Variants in DIPK2B observed in about 807,000 individuals in gnomAD.
DIPK2B encodes the protein divergent protein kinase domain 2B, also known as UPF0672 protein CXorf36.
DIPK2B carries 15 observed loss-of-function variants against 22.2 expected under a neutral mutation model. That is an observed-to-expected ratio of 0.68 (90% CI 0.45 to 1.04). The LOEUF (loss-of-function observed/expected upper bound fraction) is 1.04, where lower values mean the gene tolerates loss of function less well. DIPK2B is among the 50% of genes least tolerant of loss of function. The pLI is 0.00. For missense variants in DIPK2B, 345 were observed against 348.3 expected, an observed-to-expected ratio of 0.99 and a Z score of 0.08; for synonymous variants, 163 against 153.2, an observed-to-expected ratio of 1.06 and a Z score of -0.47.
chrX:45,172,073 C>T (rs2047085558), intron 2 of DIPK2B, among the ~76,000 whole-genome samples: 1 of 111,799 alleles, frequency 8.9e-6, no homozygotes. Flanking sequence ...ATCCAGTCTG[C>T]TGAGAGATAA....
intron 2 of DIPK2B, chrX:45,162,665 T>C (rs767985706): frequency 8.0e-5 from 60 of 752,724 alleles, no homozygotes; most frequent in Non-Finnish European, 9.4e-5. Flanking sequence ...AAATCACTTC[T>C]CCCATCTGCA....
intron 2 of DIPK2B, among the ~76,000 whole-genome samples, chrX:45,176,840 C>T (rs1430271154): frequency 9.0e-6 from 1 of 111,720 alleles, no homozygotes; most frequent in Non-Finnish European, 1.9e-5. Context: ...TCAGTTGTCT[C>T]TTCTCCAAGA....
At chrX:45,174,198 T>C (rs922538852) in intron 2 of DIPK2B, among the ~76,000 whole-genome samples, 5 of 111,823 alleles carry the variant, frequency 4.5e-5, no homozygotes, top group Non-Finnish European at 7.5e-5. Context: ...TGGGGACTCT[T>C]CCGTCAAACC....
chrX:45,162,386 C>A, intron 2 of DIPK2B: 1 of 754,339 alleles, frequency 1.3e-6, no homozygotes, highest in Non-Finnish European at 1.6e-6. Context: ...AGGTTCTGAG[C>A]AACCTCTATA....
At chrX:45,169,966 C>T (rs953449356) in intron 2 of DIPK2B, among the ~76,000 whole-genome samples, 4 of 110,329 alleles carry the variant, frequency 3.6e-5, no homozygotes, top group African/African-American at 6.6e-5. Flanking sequence ...CTTGGGAGGC[C>T]GGCGCGGTGG....
chrX:45,158,383 C>T lies in DIPK2B; in HGVS notation c.499-495G>A, dbSNP rs201727780. Reference sequence around the variant, plus strand: ...CTGTGTCTCTACCCACCATTGCACCCCCACCCTGCCCTTGGAAAGAAGGCT... The same window carrying T: ...CTGTGTCTCTACCCACCATTGCACCTCCACCCTGCCCTTGGAAAGAAGGCT... On this transcript the variant is annotated intron_variant, in intron 2 of 4. Coordinates refer to ENST00000398000, the MANE Select transcript of DIPK2B (RefSeq NM_176819.4). Among the ~76,000 whole-genome samples, 3 of 110,948 alleles carry T rather than the reference C, an allele frequency of 2.7e-5. No individual in the cohort carries two copies. The East Asian group carries it at 8.6e-4, about 32-fold the overall frequency.
At chrX:45,170,046 C>G (rs1160902139) in intron 2 of DIPK2B, among the ~76,000 whole-genome samples, 2 of 109,613 alleles carry the variant, frequency 1.8e-5, no homozygotes, top group African/African-American at 3.3e-5. Flanking sequence ...GAGTTTGAAA[C>G]CAGCCTGGTC....
At position 45,200,591 on chromosome X, in the gene DIPK2B, GA is replaced by G; in HGVS notation, c.233+2del. The G allele has an allele frequency of 1.7e-6, 2 of 1,199,332 alleles. No homozygotes were observed. The highest frequency in any genetic ancestry group is 2.3e-6 in the Non-Finnish European group (2 of 884,173). The stretch of plus-strand genomic sequence containing the variant: ...TTCAGAGTTATTTGATTGATATTCT[GA>G]CCTTATTTCTTCTTTAAAGAACTTC... On this transcript the variant is annotated splice_donor_variant, in intron 1 of 4. Transcript: ENST00000398000. LOFTEE classifies it high-confidence loss of function.
intron 3 of DIPK2B, among the ~76,000 whole-genome samples, chrX:45,154,911 G>A (rs2046984726): frequency 9.0e-6 from 1 of 111,372 alleles, no homozygotes; most frequent in Admixed American, 9.6e-5. Flanking sequence ...CTATGCTCAA[G>A]CAATTCTCTC....
rs377355087 is a variant in DIPK2B at position 45,151,855 on chromosome X, G to A, written c.1099C>T (p.Pro367Ser). The A allele has an allele frequency of 3.1e-4, 371 of 1,210,147 alleles. No homozygotes were observed. The highest frequency in any genetic ancestry group is 4.0e-4 in the Non-Finnish European group (361 of 894,975). The change falls in exon 5 of 5, where the codon CCT (proline) becomes TCT (serine). Residue 367 changes from proline (P) to serine (S), a missense_variant. Transcript: ENST00000398000. The part of the protein sequence containing the change: ...SLVLVCQKLL[P>S]RLLQGRFPSP... ...GGGAACCTCCCCTGGAGAAGTCGAGGCAGCAACTTCTGACACACCAGCACC... is the reference window on the plus strand; with the variant it reads ...GGGAACCTCCCCTGGAGAAGTCGAGACAGCAACTTCTGACACACCAGCACC...
At chrX:45,174,370 A>C (rs898812999) in intron 2 of DIPK2B, among the ~76,000 whole-genome samples, 1 of 111,758 alleles carries the variant, frequency 8.9e-6, no homozygotes, top group Admixed American at 9.5e-5. Flanking sequence ...AGAGAGATAA[A>C]TAAGAGAAGG....
intron 3 of DIPK2B, among the ~76,000 whole-genome samples, chrX:45,155,053 C>T (rs998984708): frequency 8.9e-6 from 1 of 112,412 alleles, no homozygotes; most frequent in Non-Finnish European, 1.9e-5. Flanking sequence ...TTTGGGAGGC[C>T]GACGCAGGTG....
rs1249015638 is a variant in DIPK2B at position 45,151,815 on chromosome X, TCTTGCACTGGGGAGGGGAAC to T, written c.1119_1138del (p.Phe374ArgfsTer37). 1 of 1,211,903 alleles carries T rather than the reference TCTTGCACTGGGGAGGGGAAC, an allele frequency of 8.3e-7. No homozygotes were observed. The highest frequency in any genetic ancestry group is 1.1e-6 in the Non-Finnish European group (1 of 895,427). On this transcript the variant is annotated frameshift_variant, in exon 5 of 5. Coordinates refer to ENST00000398000, the MANE Select transcript of DIPK2B (RefSeq NM_176819.4). LOFTEE classifies it high-confidence loss of function. Reference sequence around the variant, plus strand: ...CTGAACAAGGATGGAGTCTATGTCGTCTTGCACTGGGGAGGGGAACCTCCCCTGGAGAAGTCGAGGCAGCA... The same window carrying T: ...CTGAACAAGGATGGAGTCTATGTCGTCTCCCCTGGAGAAGTCGAGGCAGCA...
chrX:45,187,164 C>G (rs1054978267), intron 2 of DIPK2B, among the ~76,000 whole-genome samples: 1 of 111,650 alleles, frequency 9.0e-6, no homozygotes, highest in African/African-American at 3.3e-5. Context: ...AATGTCAGAT[C>G]GGATCGTAGT....
chrX:45,189,783 T>A (rs2047201833), intron 2 of DIPK2B, among the ~76,000 whole-genome samples: 1 of 111,324 alleles, frequency 9.0e-6, no homozygotes, highest in African/African-American at 3.3e-5. Flanking sequence ...AATAAGATAG[T>A]AATGACCTTG....
rs1199680933 is a variant in DIPK2B at position 45,165,831 on chromosome X, C to T, written c.499-7943G>A. 1.7e-4 allele frequency among the ~76,000 whole-genome samples: 19 copies of T among 112,060 alleles called. No homozygotes were observed. The Admixed American group carries it at 1.8e-3, about 11-fold the overall frequency. The stretch of plus-strand genomic sequence containing the variant: ...CTCGGTTTACAAGCCTCACAGAACA[C>T]GCATGCAAAAGCCTTGGCCTGGTGA... On this transcript the variant is annotated intron_variant, in intron 2 of 4. Coordinates refer to ENST00000398000, the MANE Select transcript of DIPK2B (RefSeq NM_176819.4).
chrX:45,153,703 C>G (rs2046974299), intron 4 of DIPK2B, among the ~76,000 whole-genome samples: 1 of 110,739 alleles, frequency 9.0e-6, no homozygotes. Flanking sequence ...ATCCACTTCC[C>G]CTTTGGAGAT....
chrX:45,151,716 A>G lies in DIPK2B; in HGVS notation c.1238T>C (p.Leu413Pro), dbSNP rs1219553300. Residue 413 changes from leucine (L) to proline (P), a missense_variant, in exon 5 of 5, where the codon CTG becomes CCG. Physicochemically the swap from Leu to Pro is moderately conservative, Grantham distance 98. Transcript: ENST00000398000. Reference sequence around the variant, plus strand: ...GGCAAATCTGGAGTCACACGTTCTCAGGGGCCTCAAGATGTCTTTCAGCTG... The same window carrying G: ...GGCAAATCTGGAGTCACACGTTCTCGGGGGCCTCAAGATGTCTTTCAGCTG... ...ASQLKDILRP[L>P]RTCDSRFAYR... 11 of 1,211,902 alleles carry G rather than the reference A, an allele frequency of 9.1e-6. No individual in the cohort carries two copies. The highest frequency in any genetic ancestry group is 1.2e-5 in the Non-Finnish European group (11 of 895,490).
chrX:45,164,528 G>C (rs775810180), intron 2 of DIPK2B, among the ~76,000 whole-genome samples: 1 of 111,266 alleles, frequency 9.0e-6, no homozygotes, highest in Non-Finnish European at 1.9e-5. Context: ...AACAACACAT[G>C]TTCTCACTCA....
Sources: gnomAD v4.1 joint callset for allele counts (sites outside exome capture counted in the v4.1 genomes callset) on GRCh38, gnomAD v4.1.1 for gene constraint, MANE v1.5 for transcripts, NCBI Gene and HGNC (gene_info 2026-07-23, HGNC 2026-07-21) for gene names.